The following PXK variants were observed in gnomAD, a reference collection of about 807,000 sequenced individuals.
PXK encodes the protein PX domain containing serine/threonine kinase like, also known as PX domain-containing protein kinase-like protein.
In PXK, 35 loss-of-function variants were observed where a neutral mutation model predicts 84.7. That is an observed-to-expected ratio of 0.41 (90% CI 0.32 to 0.55). The LOEUF is 0.55. PXK is among the 20% of genes least tolerant of loss of function. PXK has a pLI of 0.21. For missense variants in PXK, 634 were observed against 699.7 expected, an observed-to-expected ratio of 0.91 and a Z score of 1.06; for synonymous variants, 253 against 260.8, an observed-to-expected ratio of 0.97 and a Z score of 0.29.
intron 1 of PXK, among the ~76,000 whole-genome samples, chr3:58,336,672 T>C (rs73835176): frequency 0.046 from 6,983 of 152,220 alleles, 564 homozygotes; most frequent in African/African-American, 0.16. Context: ...TTTTTAAAGT[T>C]AGTAGACTAA....
At chr3:58,391,701 TA>T in intron 6 of PXK, 71 bp from the exon 7 acceptor site, 2 of 1,352,100 alleles carry the variant, frequency 1.5e-6, no homozygotes, top group African/African-American at 1.4e-5. Context: ...ATAATAAAAT[TA>T]AAGGGAAAGA....
At position 58,364,483 on chromosome 3, in the gene PXK, G is replaced by A. The variant is rs2098240357; in HGVS notation, c.103-1391G>A. Among the ~76,000 whole-genome samples the A allele has an allele frequency of 6.6e-6, 1 of 152,110 alleles. No homozygotes were observed. The highest frequency in any genetic ancestry group is 1.5e-5 in the Non-Finnish European group (1 of 68,020). ...TCCCAGCACTTTGGGAGGCCGAGGT[G>A]GGCGGATTACTTGAGGTCAGGAGTT... On this transcript the variant is annotated intron_variant, in intron 1 of 17. Coordinates refer to ENST00000356151, the MANE Select transcript of PXK (RefSeq NM_017771.5). This position sits in a 1 kb window ranked among gnomAD's most constrained non-coding sequence, Gnocchi z 4.3.
intron 4 of PXK, among the ~76,000 whole-genome samples, chr3:58,387,227 A>G (rs1174401562): frequency 6.6e-6 from 1 of 152,200 alleles, no homozygotes; most frequent in Non-Finnish European, 1.5e-5. Context: ...CTTTCTGAGC[A>G]TGCAGTTTTT....
rs2057937891 is a variant in PXK, at chr3:58,397,758, A to G, written c.1102+36A>G. On this transcript the variant is annotated intron_variant, in intron 11 of 17. Transcript: ENST00000356151. This position sits in a 1 kb window ranked among gnomAD's most constrained non-coding sequence, Gnocchi z 4.7. ...GGTTGGGAAGGGTCTTCTGGGCCCT[A>G]GTAGTGTGCAGAGCCACTCATCCCC... 1 of 1,511,326 alleles carries G rather than the reference A, an allele frequency of 6.6e-7. No individual in the cohort carries two copies. The highest frequency in any genetic ancestry group is 1.4e-5 in the African/African-American group (1 of 72,756). 93.6% of individuals were successfully genotyped at this position (1,511,326 alleles called of 1,614,324 possible). A position where few individuals can be genotyped will look rare whatever the true frequency, so the allele number is the denominator to read the frequency against.
chr3:58,339,729 TG>T (rs1559845233), intron 1 of PXK, among the ~76,000 whole-genome samples: 2 of 152,238 alleles, frequency 1.3e-5, no homozygotes, highest in Non-Finnish European at 2.9e-5. Flanking sequence ...TTACATGTTT[TG>T]CTTCCCTAGG....
intron 1 of PXK, among the ~76,000 whole-genome samples, chr3:58,363,568 CACCTCAGCCTGCTAA>C (rs2098224138): frequency 6.6e-6 from 1 of 152,168 alleles, no homozygotes; most frequent in African/African-American, 2.4e-5. Context: ...GCAGTCATCC[CACCTCAGCCTGCTAA>C]AGTGCTGAGA....
chr3:58,376,346 C>T (rs146928696), intron 3 of PXK, among the ~76,000 whole-genome samples: 5 of 152,048 alleles, frequency 3.3e-5, no homozygotes, highest in Admixed American at 6.6e-5. Context: ...ACCCAGGAGG[C>T]GGAGGTTGCA....
Position 58,424,957 on chromosome 3 carries a change from C to T in PXK, c.1734C>T (p.Gly578=). ...KTCDHSAPKI[G] The stretch of plus-strand genomic sequence containing the variant: ...GTGATCACAGTGCTCCGAAGATCGG[C>T]TGAAGCTTCCTGTTTACACTTGGAG... The change falls in exon 18 of 18, where the codon GGC becomes GGT. Residue 578 remains glycine (G), a synonymous_variant. Coordinates refer to ENST00000356151, the MANE Select transcript of PXK (RefSeq NM_017771.5). 3.7e-6 allele frequency: 6 copies of T among 1,614,054 alleles called. No homozygotes were observed. Among genetic ancestry groups the T allele is most frequent in the Non-Finnish European group, 4.2e-6 (5 of 1,180,034 alleles).
intron 1 of PXK, among the ~76,000 whole-genome samples, chr3:58,334,361 T>TA (rs1453772984): frequency 1.3e-5 from 2 of 152,322 alleles, no homozygotes; most frequent in African/African-American, 4.8e-5. Context: ...AGAAGGCACA[T>TA]ACAGGACAGA....
chr3:58,423,597 C>T, intron 17 of PXK: 1 of 1,516,100 alleles, frequency 6.6e-7, no homozygotes, highest in Non-Finnish European at 8.8e-7. Context: ...GCCAGTCGTC[C>T]ATACAAACTT....
chr3:58,383,046 C>T lies in PXK; in HGVS notation c.388+346C>T, dbSNP rs1284792027. 6.6e-6 allele frequency among the ~76,000 whole-genome samples: 1 copy of T among 152,220 alleles called. No individual in the cohort carries two copies. Among genetic ancestry groups the T allele is most frequent in the Non-Finnish European group, 1.5e-5 (1 of 68,046 alleles). On this transcript the variant is annotated intron_variant, in intron 4 of 17. Transcript: ENST00000356151. The surrounding 1 kb of genome is among the most constrained non-coding windows in gnomAD (Gnocchi z 4.0). ...GTGGCTCATGCCTATAATCCCAGCACTTTGGGAGGCCAAGGCGGTTGGATC... is the reference window on the plus strand; with the variant it reads ...GTGGCTCATGCCTATAATCCCAGCATTTTGGGAGGCCAAGGCGGTTGGATC...
chr3:58,382,588 G>C lies in PXK; in HGVS notation c.276G>C (p.Arg92Ser), dbSNP rs1372576470. The change falls in exon 4 of 18, where the codon AGG becomes AGC. Residue 92 changes from arginine (R) to serine (S), a missense_variant. By Grantham distance (110) the Arg-to-Ser change is moderately radical (BLOSUM62 -1). This residue lies in a region of PXK where 353 missense variants were observed against 385.2 expected (regional missense o/e 0.92). Transcript: ENST00000356151. ...TGGATCGTGAATTCATAGCTGAAAG[G>C]CAGAAAGGTCTTCAGAACTATCTCA... ...GNMDREFIAE[R>S]QKGLQNYLNV... 6.2e-7 allele frequency: 1 copy of C among 1,606,908 alleles called. No homozygotes were observed. The highest frequency in any genetic ancestry group is 1.3e-5 in the African/African-American group (1 of 74,260).
At chr3:58,405,466 G>A (rs1010988336) in intron 13 of PXK, among the ~76,000 whole-genome samples, 1 of 152,056 alleles carries the variant, frequency 6.6e-6, no homozygotes, top group African/African-American at 2.4e-5. Flanking sequence ...ATCATTTGAG[G>A]TCAGGAGTTC....
rs1356499259 is a variant in PXK at position 58,421,065 on chromosome 3, C to T, written c.1529-3687C>T. On this transcript the variant is annotated intron_variant, in intron 17 of 17. Coordinates refer to ENST00000356151, the MANE Select transcript of PXK (RefSeq NM_017771.5). This position sits in a 1 kb window ranked among gnomAD's most constrained non-coding sequence, Gnocchi z 5.5. ...TAATTCTCGAGCTGTGACAGGAGTACAGCCTCCTCACCTGCCTGAAGCCAA... is the reference window on the plus strand; with the variant it reads ...TAATTCTCGAGCTGTGACAGGAGTATAGCCTCCTCACCTGCCTGAAGCCAA... 3.0e-6 allele frequency: 3 copies of T among 997,524 alleles called. No homozygotes were observed. Among genetic ancestry groups the T allele is most frequent in the Non-Finnish European group, 3.6e-6 (3 of 837,962 alleles). 61.8% of individuals were successfully genotyped at this position (997,524 alleles called of 1,614,324 possible).
rs1445426212 is a variant in PXK, at chr3:58,407,525, T to G, written c.1231-1399T>G. Among the ~76,000 whole-genome samples, 1 of 150,744 alleles carries G rather than the reference T, an allele frequency of 6.6e-6. No individual in the cohort carries two copies. Among genetic ancestry groups the G allele is most frequent in the Non-Finnish European group, 1.5e-5 (1 of 67,810 alleles). ...TGTCTTTTACTCCGTTTTTCTTTGT[T>G]GCACCAATGTTTTATTTATTTATTT... On this transcript the variant is annotated intron_variant, in intron 13 of 17. Coordinates refer to ENST00000356151, the MANE Select transcript of PXK (RefSeq NM_017771.5). This position sits in a 1 kb window ranked among gnomAD's most constrained non-coding sequence, Gnocchi z 4.3.
chr3:58,422,522 T>C, intron 17 of PXK: 1 of 985,380 alleles, frequency 1.0e-6, no homozygotes, highest in Non-Finnish European at 1.2e-6. Context: ...CCACCTACAT[T>C]TTCAAAGAGA....
Position 58,401,827 on chromosome 3 carries a change from G to A in PXK, c.1182-2035G>A, listed in dbSNP as rs976962543. On this transcript the variant is annotated intron_variant, in intron 12 of 17. Coordinates refer to ENST00000356151, the MANE Select transcript of PXK (RefSeq NM_017771.5). The surrounding 1 kb of genome is among the most constrained non-coding windows in gnomAD (Gnocchi z 4.4). ...CTGTAGTCCCAGCTACCCAGGAGGC[G>A]GAGTTTGCACTGGAGCGCGCCACTG... Among the ~76,000 whole-genome samples the A allele has an allele frequency of 4.6e-5, 7 of 151,272 alleles. No homozygotes were observed. Among genetic ancestry groups the A allele is most frequent in the African/African-American group, 1.5e-4 (6 of 41,126 alleles).
intron 1 of PXK, among the ~76,000 whole-genome samples, chr3:58,354,136 C>G (rs1348752413): frequency 1.3e-5 from 2 of 152,208 alleles, no homozygotes; most frequent in Non-Finnish European, 2.9e-5. Context: ...GTCAAGGCAT[C>G]TATCCTTCAG....
intron 17 of PXK, chr3:58,422,884 T>C: frequency 1.0e-6 from 1 of 985,434 alleles, no homozygotes; most frequent in Non-Finnish European, 1.2e-6. Flanking sequence ...TGCACAGTGA[T>C]TCTTCTGCCG....
Sources: gnomAD v4.1 joint callset for allele counts (sites outside exome capture counted in the v4.1 genomes callset) on GRCh38, gnomAD v4.1.1 for gene constraint, gnomAD v4.1.1 regional missense constraint, Gnocchi (gnomAD v3.1) non-coding constraint, MANE v1.5 for transcripts, NCBI Gene and HGNC (gene_info 2026-07-23, HGNC 2026-07-21) for gene names.